PPFIA2: variants seen among roughly 807,000 people sequenced by gnomAD.
PPFIA2 encodes liprin-alpha-2.
A neutral mutation model predicts 175.5 loss-of-function variants in PPFIA2; 46 were observed. The ratio of observed to expected loss-of-function variants is 0.26; its 90% CI spans 0.21 to 0.34. The LOEUF is 0.34. Ranked by LOEUF, PPFIA2 falls within the 10% of genes least tolerant of loss-of-function variation. PPFIA2 has a pLI of 1.00. For synonymous variants in PPFIA2, 568 were observed against 511.4 expected, an observed-to-expected ratio of 1.11 and a Z score of -1.49; for missense variants, 1,179 against 1,506.1, an observed-to-expected ratio of 0.78 and a Z score of 3.60.
At chr12:81,380,672 T>C (rs1448148864) in intron 9 of PPFIA2, among the ~76,000 whole-genome samples, 2 of 152,106 alleles carry the variant, frequency 1.3e-5, no homozygotes, top group African/African-American at 4.8e-5. Flanking sequence ...GAAGCACAGG[T>C]TTTGAAGCCA....
At chr12:81,675,468 A>G (rs1430207846) in intron 4 of PPFIA2, 2 of 152,052 alleles carry the variant, frequency 1.3e-5, no homozygotes, top group Non-Finnish European at 2.9e-5. Flanking sequence ...AATAATGGAT[A>G]AGATCTTTAT....
intron 4 of PPFIA2, among the ~76,000 whole-genome samples, chr12:81,625,569 T>C (rs760665504): frequency 6.6e-6 from 1 of 151,880 alleles, no homozygotes; most frequent in Non-Finnish European, 1.5e-5. Flanking sequence ...TATGTGTCAC[T>C]AGGTAAGATA....
chr12:81,377,421 T>G (rs73354684), intron 9 of PPFIA2, among the ~76,000 whole-genome samples: 28,754 of 151,662 alleles, frequency 0.19, 2,842 homozygotes, highest in Middle Eastern at 0.23. Flanking sequence ...GCATCATGGC[T>G]CATGCCTGTA....
intron 1 of PPFIA2, among the ~76,000 whole-genome samples, chr12:81,758,855 G>T (rs2085088905): frequency 6.6e-6 from 1 of 152,096 alleles, no homozygotes; most frequent in Non-Finnish European, 1.5e-5. Flanking sequence ...ACGCGGCGCC[G>T]CTCCCCCTCC....
chr12:81,531,026 T>A (rs1257641708), intron 4 of PPFIA2, among the ~76,000 whole-genome samples: 1 of 151,898 alleles, frequency 6.6e-6, no homozygotes, highest in East Asian at 1.9e-4. Context: ...ACAGACAACA[T>A]CATAATAAAT....
chr12:81,413,921 A>C (rs1026513475), intron 7 of PPFIA2, among the ~76,000 whole-genome samples: 1 of 151,772 alleles, frequency 6.6e-6, no homozygotes, highest in African/African-American at 2.4e-5. Context: ...TGAGAAATTA[A>C]ATTTCTAATT....
chr12:81,696,966 T>G (rs1300145647), intron 3 of PPFIA2, among the ~76,000 whole-genome samples: 1 of 152,062 alleles, frequency 6.6e-6, no homozygotes, highest in Non-Finnish European at 1.5e-5. Context: ...TAGGTTTTTT[T>G]GACATGTGAA....
intron 4 of PPFIA2, among the ~76,000 whole-genome samples, chr12:81,508,409 T>A (rs2061410836): frequency 6.7e-6 from 1 of 150,134 alleles, no homozygotes; most frequent in Admixed American, 6.7e-5. Flanking sequence ...TAATCCCAGC[T>A]ATTCGGGAGG....
intron 4 of PPFIA2, among the ~76,000 whole-genome samples, chr12:81,543,770 G>A (rs1202654911): frequency 2.0e-5 from 3 of 152,100 alleles, no homozygotes; most frequent in Non-Finnish European, 4.4e-5. Context: ...ACAGTGATAT[G>A]TAATATTGAC....
chr12:81,697,775 G>A (rs2076056334), intron 3 of PPFIA2, among the ~76,000 whole-genome samples: 1 of 152,034 alleles, frequency 6.6e-6, no homozygotes, highest in Admixed American at 6.6e-5. Context: ...CCAGGCACCT[G>A]GATCAATCAG....
chr12:81,489,718 T>G (rs2059225823), intron 4 of PPFIA2, among the ~76,000 whole-genome samples: 1 of 151,936 alleles, frequency 6.6e-6, no homozygotes, highest in Non-Finnish European at 1.5e-5. Context: ...CACCCTATAG[T>G]GTACAAGCTA....
intron 4 of PPFIA2, among the ~76,000 whole-genome samples, chr12:81,534,369 T>A (rs1006153289): frequency 5.9e-5 from 9 of 151,626 alleles, no homozygotes; most frequent in Non-Finnish European, 1.3e-4. Flanking sequence ...ATTGAGAAAT[T>A]TTCAGGGTGA....
At chr12:81,633,743 A>C (rs998496672) in intron 4 of PPFIA2, among the ~76,000 whole-genome samples, 1 of 152,072 alleles carries the variant, frequency 6.6e-6, no homozygotes, top group Non-Finnish European at 1.5e-5. Context: ...GATTAAATGG[A>C]GAATATTAGA....
intron 4 of PPFIA2, among the ~76,000 whole-genome samples, chr12:81,544,288 A>C (rs2066656343): frequency 6.6e-6 from 1 of 152,156 alleles, no homozygotes. Context: ...AATAAGGTCC[A>C]GGTTTCCTAC....
chr12:81,751,534 TAC>T (rs10591884), intron 3 of PPFIA2, among the ~76,000 whole-genome samples: 56,537 of 143,892 alleles, frequency 0.39, 11,119 homozygotes, highest in South Asian at 0.45. Context: ...TATAATATGC[TAC>T]ACACACACAC....
intron 21 of PPFIA2, among the ~76,000 whole-genome samples, chr12:81,335,060 A>G (rs569641495): frequency 1.3e-5 from 2 of 152,286 alleles, no homozygotes; most frequent in African/African-American, 4.8e-5. Flanking sequence ...GTGTGTTTGG[A>G]ATTGATGCTG....
At chr12:81,532,324 C>G (rs904766475) in intron 4 of PPFIA2, among the ~76,000 whole-genome samples, 3 of 151,440 alleles carry the variant, frequency 2.0e-5, no homozygotes, top group African/African-American at 7.3e-5. Context: ...TAGGGCAGAG[C>G]AGAGAGAAAA....
chr12:81,505,794 T>A (rs2061097148), intron 4 of PPFIA2: 1 of 152,240 alleles, frequency 6.6e-6, no homozygotes, highest in South Asian at 2.1e-4. Flanking sequence ...ATGTCAGAGA[T>A]GAGGTTTGCA....
intron 4 of PPFIA2, among the ~76,000 whole-genome samples, chr12:81,526,951 G>A (rs966743305): frequency 2.0e-5 from 3 of 152,082 alleles, no homozygotes; most frequent in Non-Finnish European, 4.4e-5. Flanking sequence ...TATTCTCTGG[G>A]AGAATTTAAA....
Sources: allele counts gnomAD v4.1 joint callset (sites outside exome capture counted in the v4.1 genomes callset), GRCh38; gene constraint gnomAD v4.1.1; transcripts MANE v1.5; gene names NCBI Gene and HGNC (gene_info 2026-07-23, HGNC 2026-07-21).